The following FRMD4A variants were observed in gnomAD, a reference collection of about 807,000 sequenced individuals.
The protein encoded by FRMD4A is FERM domain containing 4A.
Under a neutral mutation model 129.1 loss-of-function variants are expected in FRMD4A, and 29 were observed. The observed-to-expected ratio is 0.22, with a 90% CI of 0.17 to 0.31. The LOEUF (loss-of-function observed/expected upper bound fraction) is 0.31, where lower values mean the gene tolerates loss of function less well. Among genes scored for constraint, FRMD4A ranks in the 10% least tolerant of loss-of-function variants. FRMD4A has a pLI of 1.00. For missense variants in FRMD4A, 1,272 were observed against 1,375.8 expected, an observed-to-expected ratio of 0.92 and a Z score of 1.19; for synonymous variants, 634 against 571.6, an observed-to-expected ratio of 1.11 and a Z score of -1.56.
At chr10:13,722,238 T>C (rs1389146490) in intron 12 of FRMD4A, among the ~76,000 whole-genome samples, 1 of 150,244 alleles carries the variant, frequency 6.7e-6, no homozygotes, top group Non-Finnish European at 1.5e-5. Context: ...TTTTTTTTTT[T>C]TTTTTTTTCC....
chr10:13,828,262 C>T (rs960400856), intron 3 of FRMD4A, among the ~76,000 whole-genome samples: 1 of 152,190 alleles, frequency 6.6e-6, no homozygotes, highest in Non-Finnish European at 1.5e-5. Context: ...GTGTATCCAT[C>T]ACCCAAATAG....
At chr10:14,061,557 TTTCCAGAGAC>T (rs1834815138) in intron 2 of FRMD4A, among the ~76,000 whole-genome samples, 2 of 152,214 alleles carry the variant, frequency 1.3e-5, no homozygotes, top group African/African-American at 4.8e-5. Flanking sequence ...GGGTACAATC[TTTCCAGAGAC>T]TAGTTTGTCA....
chr10:14,024,337 GA>G (rs989451524), intron 2 of FRMD4A, among the ~76,000 whole-genome samples: 1 of 152,192 alleles, frequency 6.6e-6, no homozygotes, highest in Non-Finnish European at 1.5e-5. Context: ...CCTGGAATAG[GA>G]AAAGCCTTTA....
intron 6 of FRMD4A, 84 bp from the exon 7 acceptor site, chr10:13,762,764 C>G: frequency 1.2e-6 from 1 of 820,378 alleles, no homozygotes; most frequent in East Asian, 2.6e-5. Context: ...AGCTCTTCTT[C>G]GGGAGGATTA....
chr10:14,304,176 A>G (rs1458965608), intron 2 of FRMD4A, among the ~76,000 whole-genome samples: 1 of 152,122 alleles, frequency 6.6e-6, no homozygotes, highest in Non-Finnish European at 1.5e-5. Flanking sequence ...ATCGTATGGT[A>G]ATTCTATTTT....
chr10:14,126,785 T>C (rs191482873), intron 2 of FRMD4A, among the ~76,000 whole-genome samples: 39 of 152,258 alleles, frequency 2.6e-4, no homozygotes, highest in African/African-American at 8.9e-4. Context: ...ATAGGAAGGA[T>C]AAAGGAGAAT....
At position 14,142,267 on chromosome 10, in the gene FRMD4A, C is replaced by T. The variant is rs533882150; in HGVS notation, c.45+187791G>A. 2.6e-5 allele frequency among the ~76,000 whole-genome samples: 4 copies of T among 152,228 alleles called. No individual in the cohort carries two copies. The East Asian group carries it at 7.7e-4, about 29-fold the overall frequency. On this transcript the variant is annotated intron_variant, in intron 2 of 24. Coordinates refer to ENST00000357447, the MANE Select transcript of FRMD4A (RefSeq NM_018027.5). ...TCAATACATGTGCATCATTTCTATA[C>T]ATGTTCTGGTGACAGTCTCCAAGTT...
chr10:13,997,286 A>G (rs187494077), intron 2 of FRMD4A, among the ~76,000 whole-genome samples: 263 of 151,946 alleles, frequency 1.7e-3, no homozygotes, highest in African/African-American at 6.1e-3. Flanking sequence ...GAGAAAACTC[A>G]CTCTTGGCCT....
At chr10:14,047,405 G>C (rs1565209946) in intron 2 of FRMD4A, among the ~76,000 whole-genome samples, 1 of 151,978 alleles carries the variant, frequency 6.6e-6, no homozygotes, top group Non-Finnish European at 1.5e-5. Context: ...GGTCCTCAGA[G>C]GCCTGCCTAC....
At chr10:14,072,419 C>A (rs1230227027) in intron 2 of FRMD4A, among the ~76,000 whole-genome samples, 1 of 152,216 alleles carries the variant, frequency 6.6e-6, no homozygotes. Flanking sequence ...CGTCCTTCTA[C>A]TTTATAAACA....
chr10:14,200,974 G>T (rs1006913073), intron 2 of FRMD4A, among the ~76,000 whole-genome samples: 4 of 152,224 alleles, frequency 2.6e-5, no homozygotes, highest in Admixed American at 6.5e-5. Flanking sequence ...AATGCCAGCT[G>T]CAGGAACAGC....
At chr10:13,816,626 T>C (rs1209208914) in intron 3 of FRMD4A, among the ~76,000 whole-genome samples, 1 of 152,234 alleles carries the variant, frequency 6.6e-6, no homozygotes, top group Non-Finnish European at 1.5e-5. Context: ...ACTACATTGT[T>C]CTGAAAGTTT....
intron 15 of FRMD4A, among the ~76,000 whole-genome samples, chr10:13,676,217 AAC>A (rs2083969542): frequency 6.6e-6 from 1 of 152,088 alleles, no homozygotes. Flanking sequence ...TTAGAAAAGG[AAC>A]ACTGACTCTC....
chr10:13,921,455 C>G (rs1285629137), intron 2 of FRMD4A, among the ~76,000 whole-genome samples: 1 of 152,018 alleles, frequency 6.6e-6, no homozygotes, highest in East Asian at 1.9e-4. Flanking sequence ...GAGATCAGGT[C>G]TCAGTATGTT....
At chr10:13,714,027 C>CATATATATAAAATATATA (rs1554858885) in intron 12 of FRMD4A, among the ~76,000 whole-genome samples, 1 of 31,170 alleles carries the variant, frequency 3.2e-5, no homozygotes, top group Admixed American at 5.3e-4. Context: ...ATAAAATATA[C>CATATATATAAAATATATA]ATATATATAT....
chr10:13,779,588 A>G (rs1216452477), intron 6 of FRMD4A, among the ~76,000 whole-genome samples: 1 of 152,226 alleles, frequency 6.6e-6, no homozygotes, highest in East Asian at 1.9e-4. Flanking sequence ...CTGTGAATTC[A>G]GAAAAACATC....
intron 3 of FRMD4A, among the ~76,000 whole-genome samples, chr10:13,827,033 C>T (rs1237995947): frequency 1.3e-5 from 2 of 152,014 alleles, no homozygotes; most frequent in African/African-American, 2.4e-5. Context: ...AGGAGGTTTA[C>T]GGAATTCAAA....
chr10:13,712,836 G>A (rs2088168926), intron 12 of FRMD4A, among the ~76,000 whole-genome samples: 1 of 152,216 alleles, frequency 6.6e-6, no homozygotes, highest in African/African-American at 2.4e-5. Context: ...ATGCAACAGG[G>A]TCCACTCTAA....
At chr10:13,781,355 A>T (rs1383166687) in intron 6 of FRMD4A, among the ~76,000 whole-genome samples, 1 of 146,078 alleles carries the variant, frequency 6.8e-6, no homozygotes, top group Non-Finnish European at 1.5e-5. Context: ...TACACGCTAC[A>T]ACATGGATGA....
Sources: allele counts gnomAD v4.1 joint callset (sites outside exome capture counted in the v4.1 genomes callset), GRCh38; gene constraint gnomAD v4.1.1; transcripts MANE v1.5; gene names NCBI Gene and HGNC (gene_info 2026-07-23, HGNC 2026-07-21).